OPCML: variants seen among roughly 807,000 people sequenced by gnomAD.
OPCML encodes the protein opioid binding protein/cell adhesion molecule like.
A neutral mutation model predicts 37.8 loss-of-function variants in OPCML; 13 were observed. The ratio of observed to expected loss-of-function variants is 0.34; its 90% CI spans 0.22 to 0.55. The LOEUF (loss-of-function observed/expected upper bound fraction) is 0.55. Among genes scored for constraint, OPCML ranks in the 20% least tolerant of loss-of-function variants. The probability of loss-of-function intolerance (pLI) is 0.91; values close to 1 mark genes in which losing one functional copy is unlikely to be tolerated. For missense variants in OPCML, 341 were observed against 435.6 expected, an observed-to-expected ratio of 0.78 and a Z score of 1.93; for synonymous variants, 176 against 168.8, an observed-to-expected ratio of 1.04 and a Z score of -0.33.
At chr11:132,887,295 G>A (rs1237680740) in intron 2 of OPCML, among the ~76,000 whole-genome samples, 1 of 152,186 alleles carries the variant, frequency 6.6e-6, no homozygotes, top group Admixed American at 6.5e-5. Context: ...ATGCCATCTA[G>A]GTTTGTATAA....
intron 2 of OPCML, among the ~76,000 whole-genome samples, chr11:132,802,699 A>G (rs994226972): frequency 6.6e-6 from 1 of 152,198 alleles, no homozygotes; most frequent in Non-Finnish European, 1.5e-5. Flanking sequence ...TGAAGGGTCT[A>G]TGTTCCTATC....
chr11:132,813,498 C>A (rs1302633737), intron 2 of OPCML, among the ~76,000 whole-genome samples: 1 of 152,138 alleles, frequency 6.6e-6, no homozygotes, highest in Non-Finnish European at 1.5e-5. Context: ...GAGAAGCAGC[C>A]CCCATCATCA....
intron 1 of OPCML, among the ~76,000 whole-genome samples, chr11:133,027,490 T>TGTTG (rs765364020): frequency 6.3e-5 from 7 of 110,864 alleles, no homozygotes; most frequent in African/African-American, 2.3e-4. Flanking sequence ...TGTGTGTGTG[T>TGTTG]TGTGTGTGTG....
rs184517768 is a variant in OPCML at position 133,112,738 on chromosome 11, A to G, written c.62-169728T>C. On this transcript the variant is annotated intron_variant, in intron 1 of 7. Transcript: ENST00000524381. ...TTCTCTCACACTGTAGTGCCATCAC[A>G]CCTCCCCCTGCCTTGTCCTGTCTCC... Among the ~76,000 whole-genome samples, 392 of 152,144 alleles carry G rather than the reference A, an allele frequency of 2.6e-3. 2 individuals carry two copies. The highest frequency in any genetic ancestry group is 8.8e-3 in the African/African-American group (367 of 41,490).
intron 1 of OPCML, among the ~76,000 whole-genome samples, chr11:133,254,605 A>T (rs2136441619): frequency 6.6e-6 from 1 of 152,340 alleles, no homozygotes; most frequent in East Asian, 1.9e-4. Context: ...TGAGCAGACA[A>T]GACTGGGAGG....
chr11:133,340,648 G>A (rs1943848929), intron 1 of OPCML, among the ~76,000 whole-genome samples: 1 of 128,880 alleles, frequency 7.8e-6, no homozygotes, highest in South Asian at 2.5e-4. Flanking sequence ...GTGTGTGTGT[G>A]TAAGAGCTTT....
At chr11:133,267,916 G>A (rs1941709694) in intron 1 of OPCML, among the ~76,000 whole-genome samples, 1 of 152,298 alleles carries the variant, frequency 6.6e-6, no homozygotes, top group East Asian at 1.9e-4. Context: ...GTGGAACTGT[G>A]AGTCAATTAA....
At chr11:133,069,980 C>T (rs1948498563) in intron 1 of OPCML, among the ~76,000 whole-genome samples, 1 of 152,102 alleles carries the variant, frequency 6.6e-6, no homozygotes, top group South Asian at 2.1e-4. Flanking sequence ...CTGCTAAATT[C>T]CACTTCTAAC....
chr11:132,492,778 G>A (rs1350276082), intron 4 of OPCML, among the ~76,000 whole-genome samples: 2 of 150,420 alleles, frequency 1.3e-5, no homozygotes, highest in African/African-American at 4.9e-5. Context: ...GAGGGCAGGG[G>A]ACTTTGTTTT....
intron 2 of OPCML, among the ~76,000 whole-genome samples, chr11:132,854,905 T>C (rs1197804061): frequency 6.6e-6 from 1 of 152,210 alleles, no homozygotes; most frequent in African/African-American, 2.4e-5. Context: ...ACAGGCCCTC[T>C]GTCCTCACTC....
chr11:132,947,147 T>C (rs943526759), intron 1 of OPCML, among the ~76,000 whole-genome samples: 4 of 152,140 alleles, frequency 2.6e-5, no homozygotes, highest in Admixed American at 6.5e-5. Context: ...AATGGAGCAG[T>C]TGCTAAATCA....
intron 1 of OPCML, among the ~76,000 whole-genome samples, chr11:133,387,156 T>C (rs151077112): frequency 3.6e-4 from 55 of 152,260 alleles, no homozygotes; most frequent in African/African-American, 1.3e-3. Context: ...TTGACTTAAA[T>C]ATGAGGCAGG....
intron 1 of OPCML, among the ~76,000 whole-genome samples, chr11:132,986,539 A>G (rs543808025): frequency 6.6e-6 from 1 of 152,334 alleles, no homozygotes; most frequent in South Asian, 2.1e-4. Flanking sequence ...ATAAGCACCT[A>G]GCACTTTGCC....
At chr11:132,857,874 T>C (rs1189549589) in intron 2 of OPCML, among the ~76,000 whole-genome samples, 1 of 152,172 alleles carries the variant, frequency 6.6e-6, no homozygotes, top group Non-Finnish European at 1.5e-5. Flanking sequence ...TCAACAATTT[T>C]AAGCATGTAA....
intron 1 of OPCML, among the ~76,000 whole-genome samples, chr11:133,450,357 T>A (rs1946556928): frequency 6.6e-6 from 1 of 151,640 alleles, no homozygotes; most frequent in Non-Finnish European, 1.5e-5. Context: ...AGCTTGTTGA[T>A]CTTCCTGCCA....
At chr11:133,336,230 C>T (rs937236993) in intron 1 of OPCML, among the ~76,000 whole-genome samples, 7 of 152,230 alleles carry the variant, frequency 4.6e-5, no homozygotes, top group Non-Finnish European at 8.8e-5. Flanking sequence ...CTCAGAGCAG[C>T]GTTGGTCTTG....
chr11:133,018,104 G>A (rs1591916258), intron 1 of OPCML, among the ~76,000 whole-genome samples: 1 of 152,140 alleles, frequency 6.6e-6, no homozygotes, highest in Non-Finnish European at 1.5e-5. Context: ...GTGAGACTGT[G>A]TTCCTGCCAT....
At chr11:133,003,972 C>A in intron 1 of OPCML, 1 of 985,442 alleles carries the variant, frequency 1.0e-6, no homozygotes, top group African/African-American at 1.7e-5. Context: ...GCAGCAGATC[C>A]CTCGAGAAGT....
chr11:132,456,375 G>A (rs936606776), intron 4 of OPCML, among the ~76,000 whole-genome samples: 2 of 152,188 alleles, frequency 1.3e-5, no homozygotes, highest in African/African-American at 4.8e-5. Flanking sequence ...TTTAAGGCAG[G>A]AGAGGTCACA....
Sources: allele counts gnomAD v4.1 joint callset (sites outside exome capture counted in the v4.1 genomes callset), GRCh38; gene constraint gnomAD v4.1.1; transcripts MANE v1.5; gene names NCBI Gene and HGNC (gene_info 2026-07-23, HGNC 2026-07-21).